ANO1: variants seen among roughly 807,000 people sequenced by gnomAD.
ANO1 encodes the protein anoctamin 1.
ANO1 carries 59 observed loss-of-function variants against 124.0 expected under a neutral mutation model. That is an observed-to-expected ratio of 0.48 (90% CI 0.39 to 0.59). ANO1 has a LOEUF of 0.59. Ranked by LOEUF, ANO1 falls within the 20% of genes least tolerant of loss-of-function variation. The probability of loss-of-function intolerance (pLI) is 0.00; values close to 1 mark genes in which losing one functional copy is unlikely to be tolerated. For synonymous variants in ANO1, 529 were observed against 532.0 expected (o/e 0.99, Z 0.08); for missense variants, 1,059 against 1,328.0 (o/e 0.80, Z 3.15).
chr11:70,104,796 G>A (rs2045432912), intron 4 of ANO1, among the ~76,000 whole-genome samples: 3 of 152,042 alleles, frequency 2.0e-5, no homozygotes, highest in African/African-American at 4.8e-5. Flanking sequence ...AAGCTCTGGC[G>A]GGCAGGAGGG....
At chr11:70,156,839 C>A in intron 15 of ANO1, 108 bp from the exon 16 acceptor site, 3 of 927,274 alleles carry the variant, frequency 3.2e-6, no homozygotes, top group African/African-American at 1.7e-5. Flanking sequence ...TTCTGTTGTT[C>A]AAGTTGTCCC....
chr11:70,097,935 C>T (rs758624018), intron 2 of ANO1, among the ~76,000 whole-genome samples: 74 of 152,298 alleles, frequency 4.9e-4, no homozygotes, highest in African/African-American at 7.7e-4. Flanking sequence ...CTGGTGCCAA[C>T]GGGGAGAGAC....
the ANO1 span, among the ~76,000 whole-genome samples, chr11:69,974,371 T>C: frequency 6.6e-6 from 1 of 152,108 alleles, no homozygotes; most frequent in Non-Finnish European, 1.5e-5. Flanking sequence ...TTAGAGATGG[T>C]TACTATGGGC....
At chr11:70,056,991 C>T (rs1555006978) in intron 1 of ANO1, among the ~76,000 whole-genome samples, 1 of 152,130 alleles carries the variant, frequency 6.6e-6, no homozygotes, top group Non-Finnish European at 1.5e-5. Flanking sequence ...TGTACATTCT[C>T]ATTCTCAAGT....
intron 22 of ANO1, among the ~76,000 whole-genome samples, chr11:70,176,574 CAG>C (rs1476831979): frequency 6.6e-6 from 1 of 152,144 alleles, no homozygotes; most frequent in African/African-American, 2.4e-5. Flanking sequence ...TAACAGGCTT[CAG>C]AGAGAATAGA....
chr11:70,045,766 C>T (rs1228733435), intron 1 of ANO1, among the ~76,000 whole-genome samples: 1 of 152,168 alleles, frequency 6.6e-6, no homozygotes, highest in African/African-American at 2.4e-5. Flanking sequence ...AGAGCCAGAA[C>T]CATACTGGCT....
chr11:70,080,722 C>G (rs2044175516), intron 1 of ANO1, among the ~76,000 whole-genome samples: 1 of 152,236 alleles, frequency 6.6e-6, no homozygotes, highest in Admixed American at 6.5e-5. Flanking sequence ...CTCCTGGGTT[C>G]CACACAACAC....
intron 2 of ANO1, among the ~76,000 whole-genome samples, chr11:70,101,470 C>T (rs575597013): frequency 3.3e-5 from 5 of 151,118 alleles, no homozygotes; most frequent in African/African-American, 9.7e-5. Flanking sequence ...GTAGGAGAAT[C>T]GCTTGAACTC....
At chr11:70,133,602 G>A (rs927144983) in intron 11 of ANO1, among the ~76,000 whole-genome samples, 21 of 152,140 alleles carry the variant, frequency 1.4e-4, no homozygotes, top group African/African-American at 4.6e-4. Flanking sequence ...CTCCAGGCCC[G>A]AGCCCTGTCC....
At chr11:69,979,059 C>T in the ANO1 span, among the ~76,000 whole-genome samples, 5 of 152,296 alleles carry the variant, frequency 3.3e-5, no homozygotes, top group South Asian at 1.0e-3. Context: ...TAATGGTAAA[C>T]AGGCCTCTAG....
At chr11:70,006,672 T>C (rs1447209790) in intron 1 of ANO1, among the ~76,000 whole-genome samples, 66 of 129,122 alleles carry the variant, frequency 5.1e-4, no homozygotes, top group African/African-American at 1.8e-3. Context: ...TCTTTTTTTT[T>C]TTTTTTTTTT....
Position 70,180,034 on chromosome 11 carries a change from G to C in ANO1, c.2381G>C (p.Gly794Ala). Reference sequence around the variant, plus strand: ...TGGTACAATATCCTCAGAGGCATTGGGAAGCTTGCTGTCATCATCAATGTA... The same window carrying C: ...TGGTACAATATCCTCAGAGGCATTGCGAAGCTTGCTGTCATCATCAATGTA... ...GIWYNILRGI[G>A]KLAVIINAFV... Residue 794 changes from glycine to alanine, a missense_variant, in exon 23 of 26, where the codon GGG becomes GCG. By Grantham distance (60) the Gly-to-Ala change is moderately conservative. Transcript: ENST00000355303. 1 of 1,613,284 alleles carries C rather than the reference G, an allele frequency of 6.2e-7. No homozygotes were observed. Among genetic ancestry groups the C allele is most frequent in the Non-Finnish European group, 8.5e-7 (1 of 1,179,296 alleles).
At chr11:69,974,887 TA>T in the ANO1 span, among the ~76,000 whole-genome samples, 165 of 127,620 alleles carry the variant, frequency 1.3e-3, no homozygotes, top group African/African-American at 2.2e-3. Flanking sequence ...CCTCCGTCTC[TA>T]AAAAAAAAAA....
At chr11:70,030,714 T>G (rs1856984866) in intron 1 of ANO1, among the ~76,000 whole-genome samples, 1 of 152,148 alleles carries the variant, frequency 6.6e-6, no homozygotes, top group Admixed American at 6.5e-5. Flanking sequence ...AAGTCCTTAA[T>G]GTCATCATAT....
At chr11:69,998,144 G>T (rs1164383101) in intron 1 of ANO1, among the ~76,000 whole-genome samples, 1 of 152,158 alleles carries the variant, frequency 6.6e-6, no homozygotes, top group East Asian at 1.9e-4. Context: ...TTTCTCTCCT[G>T]TATAGGACTT....
chr11:70,041,329 A>G (rs1565167056), intron 1 of ANO1, among the ~76,000 whole-genome samples: 1 of 152,168 alleles, frequency 6.6e-6, no homozygotes, highest in Non-Finnish European at 1.5e-5. Context: ...CCTCATACCA[A>G]TATTTACTCT....
At chr11:70,170,106 A>G (rs545406773) in intron 21 of ANO1, 1 of 454,508 alleles carries the variant, frequency 2.2e-6, no homozygotes, top group East Asian at 7.1e-5. Flanking sequence ...GTGGGTCCCC[A>G]CCCGGATCCA....
the ANO1 span, among the ~76,000 whole-genome samples, chr11:69,970,853 T>A: frequency 3.3e-5 from 5 of 152,146 alleles, no homozygotes; most frequent in East Asian, 9.6e-4. Context: ...AGCACGGATA[T>A]CCACCTTGTG....
intron 11 of ANO1, among the ~76,000 whole-genome samples, chr11:70,148,584 G>A (rs371541162): frequency 1.1e-4 from 16 of 152,352 alleles, no homozygotes; most frequent in South Asian, 2.1e-4. Flanking sequence ...GGAACAGCTC[G>A]AGAATCGTGA....
Sources: gnomAD v4.1 joint callset for allele counts (sites outside exome capture counted in the v4.1 genomes callset) on GRCh38, gnomAD v4.1.1 for gene constraint, MANE v1.5 for transcripts, NCBI Gene and HGNC (gene_info 2026-07-23, HGNC 2026-07-21) for gene names.